The following ADAMTS15 variants were observed in gnomAD, a reference collection of about 807,000 sequenced individuals.
ADAMTS15 encodes A disintegrin and metalloproteinase with thrombospondin motifs 15.
A neutral mutation model predicts 79.1 loss-of-function variants in ADAMTS15; 35 were observed. That is an observed-to-expected ratio of 0.44 (90% confidence interval 0.34 to 0.59). ADAMTS15 has a LOEUF of 0.59. ADAMTS15 is among the 20% of genes least tolerant of loss of function. The pLI, the probability that ADAMTS15 is intolerant of heterozygous loss-of-function variation, is 0.02. For synonymous variants in ADAMTS15, 616 were observed against 567.3 expected, an observed-to-expected ratio of 1.09 and a Z score of -1.22; for missense variants, 1,324 against 1,318.7, an observed-to-expected ratio of 1.00 and a Z score of -0.06.
At position 130,448,912 on chromosome 11, in the gene ADAMTS15, G is replaced by A; in HGVS notation, c.-62G>A. The A allele has an allele frequency of 7.6e-7, 1 of 1,312,514 alleles. No homozygotes were observed. Among genetic ancestry groups the A allele is most frequent in the South Asian group, 2.0e-5 (1 of 49,672 alleles). 81.3% of individuals were successfully genotyped at this position (1,312,514 alleles called of 1,614,324 possible). On this transcript the variant is annotated 5_prime_UTR_variant, in exon 1 of 8. Coordinates refer to ENST00000299164, the MANE Select transcript of ADAMTS15 (RefSeq NM_139055.4). ...GAGTGCGGGCTGCACGGAGACCGCG[G>A]CAGCGGCCGGAGAGCCCGGCCCAGC...
At position 130,473,225 on chromosome 11, in the gene ADAMTS15, A is replaced by G; in HGVS notation, c.2257A>G (p.Lys753Glu). Residue 753 changes from lysine (K) to glutamate (E), a missense_variant, in exon 8 of 8, where the codon AAG (lysine) becomes GAG (glutamate). Coordinates refer to ENST00000299164, the MANE Select transcript of ADAMTS15 (RefSeq NM_139055.4). ...GGCGGTGGAGCGGGACCTGGTGGTGAAGGGCAGTCTGCTGCGGTACAGCGG... is the reference window on the plus strand; with the variant it reads ...GGCGGTGGAGCGGGACCTGGTGGTGGAGGGCAGTCTGCTGCGGTACAGCGG... Reference protein sequence around the residue: ...VSAVERDLVVKGSLLRYSGTG... With the variant: ...VSAVERDLVVEGSLLRYSGTG... 6.2e-7 allele frequency: 1 copy of G among 1,613,842 alleles called. No homozygotes were observed. The highest frequency in any genetic ancestry group is 8.5e-7 in the Non-Finnish European group (1 of 1,180,022).
Position 130,475,925 on chromosome 11 carries a change from G to A in ADAMTS15, c.*2104G>A, listed in dbSNP as rs1433013331. 1 of 152,324 alleles carries A rather than the reference G, an allele frequency of 6.6e-6. No individual in the cohort carries two copies. The highest frequency in any genetic ancestry group is 1.5e-5 in the Non-Finnish European group (1 of 68,132). The allele number at this position is 152,324 out of a possible 1,614,324, so 9.4% of individuals were successfully genotyped here. A position where few individuals can be genotyped will look rare whatever the true frequency, so the allele number is the denominator to read the frequency against. On this transcript the variant is annotated 3_prime_UTR_variant, in exon 8 of 8. Transcript: ENST00000299164. ...GGGAAGAGAGGTGCCATCGGTAGGA[G>A]GCTGGCCTCCAGTAGAGGAGAGCAG...
Position 130,471,211 on chromosome 11 carries a change from G to A in ADAMTS15, c.1906G>A (p.Val636Met). The change falls in exon 7 of 8, where the codon GTG (valine) becomes ATG (methionine). Residue 636 changes from valine (V) to methionine (M), a missense_variant. Val to Met is a conservative substitution (Grantham distance 21, BLOSUM62 1). Transcript: ENST00000299164. ...GYFYVLAPKV[V>M]DGTLCSPDST... ...TTCCCCTTCTGGGGTGCTGCAGGTG[G>A]TGGACGGCACGCTGTGCTCTCCTGA... The A allele has an allele frequency of 1.3e-6, 2 of 1,595,558 alleles. No homozygotes were observed. The highest frequency in any genetic ancestry group is 8.5e-7 in the Non-Finnish European group (1 of 1,170,228).
At position 130,475,255 on chromosome 11, in the gene ADAMTS15, G is replaced by A. The variant is rs1938557740; in HGVS notation, c.*1434G>A. 1.3e-5 allele frequency: 2 copies of A among 152,254 alleles called. No homozygotes were observed. Among genetic ancestry groups the A allele is most frequent in the Admixed American group, 1.3e-4 (2 of 15,292 alleles). 9.4% of individuals were successfully genotyped at this position (152,254 alleles called of 1,614,324 possible). ...CCAAGAATCAATGACTGACCCAGGGGGCCTGGCAGCCACTAGTATGAACTG... is the reference window on the plus strand; with the variant it reads ...CCAAGAATCAATGACTGACCCAGGGAGCCTGGCAGCCACTAGTATGAACTG... On this transcript the variant is annotated 3_prime_UTR_variant, in exon 8 of 8. Coordinates refer to ENST00000299164, the MANE Select transcript of ADAMTS15 (RefSeq NM_139055.4).
chr11:130,456,009 G>A lies in ADAMTS15; in HGVS notation c.958-5480G>A, dbSNP rs139942716. On this transcript the variant is annotated intron_variant, in intron 1 of 7. Coordinates refer to ENST00000299164, the MANE Select transcript of ADAMTS15 (RefSeq NM_139055.4). ...GTCATGGTGACAGCTCAACCCTGCCGCTGTGCTGCCTGGACTTCAATCCTC... is the reference window on the plus strand; with the variant it reads ...GTCATGGTGACAGCTCAACCCTGCCACTGTGCTGCCTGGACTTCAATCCTC... Among the ~76,000 whole-genome samples the A allele has an allele frequency of 3.6e-3, 553 of 152,278 alleles. 1 individual carries two copies. The highest frequency in any genetic ancestry group is 5.8e-3 in the Non-Finnish European group (395 of 68,020).
At chr11:130,471,757 T>C (rs1938466551) in intron 7 of ADAMTS15, among the ~76,000 whole-genome samples, 1 of 152,178 alleles carries the variant, frequency 6.6e-6, no homozygotes, top group Non-Finnish European at 1.5e-5. Flanking sequence ...AATCTCCAGG[T>C]CTCTAGATGT....
At chr11:130,470,020 A>G (rs369110449) in intron 5 of ADAMTS15, among the ~76,000 whole-genome samples, 1 of 149,540 alleles carries the variant, frequency 6.7e-6, no homozygotes, top group Non-Finnish European at 1.5e-5. Context: ...AACCATGGAT[A>G]TTTTCACGTG....
chr11:130,470,813 G>A, intron 5 of ADAMTS15, 107 bp from the exon 6 acceptor site: 1 of 1,264,342 alleles, frequency 7.9e-7, no homozygotes, highest in Non-Finnish European at 1.1e-6. Context: ...TTGGTGATGA[G>A]GGTGGGAAGG....
In ADAMTS15 at chr11:130,473,527, G is replaced by C. The variant is rs372169283; in HGVS notation, c.2559G>C (p.Ala853=). 3.1e-4 allele frequency: 501 copies of C among 1,607,608 alleles called. 1 individual carries two copies. Among genetic ancestry groups the C allele is most frequent in the Non-Finnish European group, 3.9e-4 (459 of 1,176,610 alleles). The part of the protein sequence containing the change: ...WVAGSWGPCS[A]SCGSGLQKRA... Reference sequence around the variant, plus strand: ...CTGGCAGCTGGGGGCCGTGCTCCGCGAGCTGCGGCAGTGGCCTGCAGAAGC... The same window carrying C: ...CTGGCAGCTGGGGGCCGTGCTCCGCCAGCTGCGGCAGTGGCCTGCAGAAGC... Residue 853 remains alanine, a synonymous_variant, in exon 8 of 8, where the codon GCG becomes GCC. Transcript: ENST00000299164.
Position 130,473,039 on chromosome 11 carries a change from C to T in ADAMTS15, c.2079-8C>T, listed in dbSNP as rs769177670. 4.3e-6 allele frequency: 7 copies of T among 1,612,106 alleles called. No homozygotes were observed. Among genetic ancestry groups the T allele is most frequent in the Non-Finnish European group, 5.9e-6 (7 of 1,178,558 alleles). ...TATCTGATGCACGGCCCCCCTTTCCCCCGCCAGGCATGGCTACAATTTCGT... is the reference window on the plus strand; with the variant it reads ...TATCTGATGCACGGCCCCCCTTTCCTCCGCCAGGCATGGCTACAATTTCGT... On this transcript the variant is annotated splice_region_variant and splice_polypyrimidine_tract_variant and intron_variant, in intron 7 of 7. Coordinates refer to ENST00000299164, the MANE Select transcript of ADAMTS15 (RefSeq NM_139055.4).
chr11:130,449,762 C>G lies in ADAMTS15; in HGVS notation c.789C>G (p.Asn263Lys). ...YRHPSILNPINIVVVKVLLLR... is the reference protein window; with the variant it reads ...YRHPSILNPIKIVVVKVLLLR... Reference sequence around the variant, plus strand: ...ATCCCAGCATCCTCAACCCCATCAACATCGTTGTGGTCAAGGTGCTGCTTC... The same window carrying G: ...ATCCCAGCATCCTCAACCCCATCAAGATCGTTGTGGTCAAGGTGCTGCTTC... Residue 263 changes from asparagine (N) to lysine (K), a missense_variant, in exon 1 of 8, where the codon AAC becomes AAG. Transcript: ENST00000299164. This position sits in a 1 kb window ranked among gnomAD's most constrained non-coding sequence, Gnocchi z 7.8. 2.5e-6 allele frequency: 4 copies of G among 1,612,870 alleles called. No homozygotes were observed. Among genetic ancestry groups the G allele is most frequent in the Non-Finnish European group, 3.4e-6 (4 of 1,180,020 alleles).
rs1491377478 is a variant in ADAMTS15, at chr11:130,470,209, T to TATGTATATATATATAC, written c.1721-711_1721-710insATGTATATATATATAC. ...GTGTATATATATATATATATATATA[T>TATGTATATATATATAC]GTATATATATATATATTTTCTGAGG... On this transcript the variant is annotated intron_variant, in intron 5 of 7. Transcript: ENST00000299164. Among the ~76,000 whole-genome samples, 2 of 60,130 alleles carry TATGTATATATATATAC rather than the reference T, an allele frequency of 3.3e-5. 1 individual carries two copies. The highest frequency in any genetic ancestry group is 1.9e-4 in the African/African-American group (2 of 10,408). 39.4% of individuals were successfully genotyped at this position (60,130 alleles called of 152,430 possible).
chr11:130,473,845 T>G lies in ADAMTS15; in HGVS notation c.*24T>G. 2 of 1,569,706 alleles carry G rather than the reference T, an allele frequency of 1.3e-6. No individual in the cohort carries two copies. The highest frequency in any genetic ancestry group is 1.7e-6 in the Non-Finnish European group (2 of 1,162,770). On this transcript the variant is annotated 3_prime_UTR_variant, in exon 8 of 8. Coordinates refer to ENST00000299164, the MANE Select transcript of ADAMTS15 (RefSeq NM_139055.4). Reference sequence around the variant, plus strand: ...GAGTGGGGTCATCGCTTTCTCCCCCTCACTCTCCACCCCACTGATATGCCA... The same window carrying G: ...GAGTGGGGTCATCGCTTTCTCCCCCGCACTCTCCACCCCACTGATATGCCA...
intron 1 of ADAMTS15, among the ~76,000 whole-genome samples, chr11:130,452,247 TACA>T (rs1489947939): frequency 6.6e-6 from 1 of 152,206 alleles, no homozygotes; most frequent in Non-Finnish European, 1.5e-5. Flanking sequence ...ATAGTGGTTA[TACA>T]ACAAGTATTT....
chr11:130,466,350 C>T (rs902865211), intron 4 of ADAMTS15, among the ~76,000 whole-genome samples: 11 of 152,190 alleles, frequency 7.2e-5, no homozygotes, highest in African/African-American at 2.7e-4. Context: ...TACAGACTTG[C>T]TTCTCTAAGG....
At chr11:130,450,022 T>C (rs2134714146) in intron 1 of ADAMTS15, 92 bp downstream of exon 1, 1 of 1,526,114 alleles carries the variant, frequency 6.6e-7, no homozygotes, top group Non-Finnish European at 8.8e-7. Context: ...TATCGTGCAA[T>C]GCCTCCGAGT....
chr11:130,457,239 A>AG (rs1009279466), intron 1 of ADAMTS15, among the ~76,000 whole-genome samples: 2 of 151,992 alleles, frequency 1.3e-5, no homozygotes, highest in African/African-American at 4.8e-5. Context: ...TCAAAAAAAA[A>AG]AAAAAAAGTT....
At chr11:130,451,358 A>T (rs1937957189) in intron 1 of ADAMTS15, among the ~76,000 whole-genome samples, 1 of 152,118 alleles carries the variant, frequency 6.6e-6, no homozygotes, top group South Asian at 2.1e-4. Context: ...CTGGAGTCGA[A>T]CTTCCTCTGT....
At chr11:130,466,033 T>C (rs547978373) in intron 4 of ADAMTS15, among the ~76,000 whole-genome samples, 18 of 152,152 alleles carry the variant, frequency 1.2e-4, no homozygotes, top group Non-Finnish European at 2.1e-4. Context: ...CCACCACACC[T>C]GGCTAATTTT....
Sources: allele counts gnomAD v4.1 joint callset (sites outside exome capture counted in the v4.1 genomes callset), GRCh38; gene constraint gnomAD v4.1.1; non-coding constraint Gnocchi (gnomAD v3.1); transcripts MANE v1.5; gene names NCBI Gene and HGNC (gene_info 2026-07-23, HGNC 2026-07-21).